RAI14: variants seen among roughly 807,000 people sequenced by gnomAD.
The protein encoded by RAI14 is retinoic acid induced 14, also known as ankycorbin.
RAI14 carries 45 observed loss-of-function variants against 115.4 expected under a neutral mutation model. The observed-to-expected ratio is 0.39, with a 90% confidence interval of 0.31 to 0.50. The LOEUF (loss-of-function observed/expected upper bound fraction) is 0.50. Ranked by LOEUF, RAI14 falls within the 20% of genes least tolerant of loss-of-function variation. The pLI is 0.85. For missense variants in RAI14, 939 were observed against 1,131.2 expected (o/e 0.83, Z 2.44); for synonymous variants, 371 against 415.4 (o/e 0.89, Z 1.30).
chr5:34,821,818 T>C lies in RAI14; in HGVS notation c.1081T>C (p.Leu361=), dbSNP rs1756862265. 6.2e-7 allele frequency: 1 copy of C among 1,603,084 alleles called. No individual in the cohort carries two copies. The highest frequency in any genetic ancestry group is 8.5e-7 in the Non-Finnish European group (1 of 1,170,622). ...GCAAGCAAAAGTTGCTTCCCTTACC[T>C]TACACAATAAGGAGTTACAAGATAA... ...LLQAKVASLT[L]HNKELQDKLQ... The change falls in exon 14 of 18, where the codon TTA becomes CTA. Residue 361 remains leucine (L), a synonymous_variant. Coordinates refer to ENST00000265109, the MANE Select transcript of RAI14 (RefSeq NM_015577.3).
chr5:34,803,663 A>T (rs1001138589), intron 4 of RAI14, 49 bp from the exon 5 acceptor site: 21 of 1,438,336 alleles, frequency 1.5e-5, no homozygotes, highest in East Asian at 1.2e-4. Context: ...GATTTTTTTT[A>T]AAGTGTGGCC....
At chr5:34,693,652 A>G (rs890718275) in intron 2 of RAI14, among the ~76,000 whole-genome samples, 3 of 152,256 alleles carry the variant, frequency 2.0e-5, no homozygotes, top group African/African-American at 7.2e-5. Flanking sequence ...AAAGTCGCAC[A>G]TTTGGTAAAT....
chr5:34,712,016 A>G (rs979621271), intron 2 of RAI14, among the ~76,000 whole-genome samples: 2 of 152,094 alleles, frequency 1.3e-5, no homozygotes, highest in African/African-American at 4.8e-5. Flanking sequence ...TTGTTAAGTC[A>G]GTGGAACCTA....
intron 2 of RAI14, among the ~76,000 whole-genome samples, chr5:34,755,924 TGTAA>T (rs1266992396): frequency 6.6e-6 from 1 of 152,188 alleles, no homozygotes; most frequent in East Asian, 1.9e-4. Context: ...TCACACAACA[TGTAA>T]GTGTCAGTCT....
At chr5:34,806,625 T>G (rs1754934060) in intron 5 of RAI14, among the ~76,000 whole-genome samples, 3 of 149,884 alleles carry the variant, frequency 2.0e-5, no homozygotes, top group African/African-American at 4.9e-5. Context: ...GGGAAGGGGG[T>G]GGAGGATGAG....
In RAI14 at chr5:34,818,672, G is replaced by A. The variant is rs576944519; in HGVS notation, c.940-125G>A. On this transcript the variant is annotated intron_variant, in intron 12 of 17. Coordinates refer to ENST00000265109, the MANE Select transcript of RAI14 (RefSeq NM_015577.3). Reference sequence around the variant, plus strand: ...TATCTTCTTTCTTCGAGATTTTCTAGCTGCTTTTCTAGTAGGATCATACCA... The same window carrying A: ...TATCTTCTTTCTTCGAGATTTTCTAACTGCTTTTCTAGTAGGATCATACCA... 2.8e-4 allele frequency: 167 copies of A among 602,052 alleles called. 1 individual carries two copies. Among genetic ancestry groups the A allele is most frequent in the African/African-American group, 2.6e-3 (135 of 52,892 alleles). The allele number at this position is 602,052 out of a possible 1,614,324, so 37.3% of individuals were successfully genotyped here.
chr5:34,824,110 A>G lies in RAI14; in HGVS notation c.2268A>G (p.Glu756=). The G allele has an allele frequency of 6.2e-7, 1 of 1,614,104 alleles. No individual in the cohort carries two copies. The highest frequency in any genetic ancestry group is 8.5e-7 in the Non-Finnish European group (1 of 1,179,920). Residue 756 remains glutamate (E), a synonymous_variant, in exon 15 of 18, where the codon GAA becomes GAG. Transcript: ENST00000265109. ...AAGAAAAAATAAGCAATCTTAAGGA[A>G]CACCTTGCAAGCAAGGAAGTGGAAG... ...EMEEKISNLK[E]HLASKEVEVA... is the part of the protein sequence containing the mutation.
intron 1 of RAI14, among the ~76,000 whole-genome samples, chr5:34,669,664 T>A (rs1743483403): frequency 6.6e-6 from 1 of 152,214 alleles, no homozygotes; most frequent in Non-Finnish European, 1.5e-5. Context: ...GGATTCCATT[T>A]GTATAATATC....
chr5:34,830,638 C>T (rs906458090), intron 17 of RAI14, 50 bp from the exon 18 acceptor site: 3 of 1,611,514 alleles, frequency 1.9e-6, no homozygotes, highest in Non-Finnish European at 2.5e-6. Flanking sequence ...GAAGAAAGTG[C>T]CATGGCTTAA....
At chr5:34,721,008 C>G (rs1278514861) in intron 2 of RAI14, among the ~76,000 whole-genome samples, 1 of 151,904 alleles carries the variant, frequency 6.6e-6, no homozygotes, top group Non-Finnish European at 1.5e-5. Flanking sequence ...TATTATTAGT[C>G]AGAGGTGGGA....
chr5:34,805,747 A>G (rs529985068), intron 5 of RAI14, among the ~76,000 whole-genome samples: 34 of 152,270 alleles, frequency 2.2e-4, no homozygotes, highest in African/African-American at 7.9e-4. Context: ...AGGCTGAGGC[A>G]GGAGAATCAC....
At chr5:34,717,305 T>C (rs750376403) in intron 2 of RAI14, among the ~76,000 whole-genome samples, 15 of 152,244 alleles carry the variant, frequency 9.9e-5, no homozygotes, top group Non-Finnish European at 2.2e-4. Flanking sequence ...AATTTCTTCT[T>C]TCCTCATTTA....
At chr5:34,798,058 C>T (rs542825144) in intron 4 of RAI14, among the ~76,000 whole-genome samples, 30 of 152,224 alleles carry the variant, frequency 2.0e-4, no homozygotes, top group South Asian at 1.5e-3. Context: ...GTTTTTGAGA[C>T]GGAGTCTTGC....
intron 5 of RAI14, among the ~76,000 whole-genome samples, chr5:34,804,861 C>T (rs1276637594): frequency 6.6e-6 from 1 of 152,142 alleles, no homozygotes; most frequent in Non-Finnish European, 1.5e-5. Flanking sequence ...ATATCCTTGG[C>T]CCTACCTCAA....
At chr5:34,761,819 G>C (rs922158495) in intron 3 of RAI14, among the ~76,000 whole-genome samples, 7 of 151,966 alleles carry the variant, frequency 4.6e-5, no homozygotes, top group Non-Finnish European at 8.8e-5. Flanking sequence ...TTTAGAGATG[G>C]GTCTTGCCAT....
intron 12 of RAI14, among the ~76,000 whole-genome samples, chr5:34,817,618 T>C (rs1460510343): frequency 6.6e-6 from 1 of 152,142 alleles, no homozygotes; most frequent in African/African-American, 2.4e-5. Flanking sequence ...TGAATAAAGA[T>C]AATGAGATAT....
chr5:34,814,940 C>A (rs1366951944), intron 12 of RAI14, among the ~76,000 whole-genome samples: 1 of 151,786 alleles, frequency 6.6e-6, no homozygotes, highest in East Asian at 1.9e-4. Flanking sequence ...TGATTTTCTT[C>A]ATTTAAAAAA....
intron 2 of RAI14, among the ~76,000 whole-genome samples, chr5:34,752,214 T>G (rs532026096): frequency 2.2e-3 from 233 of 105,072 alleles, no homozygotes; most frequent in African/African-American, 9.5e-3. Flanking sequence ...TTGGATTTAT[T>G]TAGCCTATAA....
rs201354748 is a variant in RAI14, at chr5:34,665,178, C to CATATATAT, written c.-49+8706_-49+8713dup. 2.7e-3 allele frequency among the ~76,000 whole-genome samples: 19 copies of CATATATAT among 7,086 alleles called. 4 individuals are homozygous for CATATATAT. Among genetic ancestry groups the CATATATAT allele is most frequent in the African/African-American group, 7.3e-3 (12 of 1,636 alleles). The allele number at this position is 7,086 out of a possible 152,430, so 4.6% of individuals were successfully genotyped here. A position where few individuals can be genotyped will look rare whatever the true frequency, so the allele number is the denominator to read the frequency against. On this transcript the variant is annotated intron_variant, in intron 1 of 17. Coordinates refer to ENST00000265109, the MANE Select transcript of RAI14 (RefSeq NM_015577.3). ...GTGTGTGTATATATATATATACACA[C>CATATATAT]ATATATATATGTATATATATACACA...
Sources: gnomAD v4.1 joint callset for allele counts (sites outside exome capture counted in the v4.1 genomes callset) on GRCh38, gnomAD v4.1.1 for gene constraint, MANE v1.5 for transcripts, NCBI Gene and HGNC (gene_info 2026-07-23, HGNC 2026-07-21) for gene names.